HUWE1: variants seen among roughly 807,000 people sequenced by gnomAD.
HUWE1 encodes the protein E3 ubiquitin-protein ligase HUWE1.
In HUWE1, 18 loss-of-function variants were observed where a neutral mutation model predicts 299.4. That is an observed-to-expected ratio of 0.06 (90% CI 0.04 to 0.09). The LOEUF (loss-of-function observed/expected upper bound fraction) is 0.09, where lower values mean the gene tolerates loss of function less well. Among genes scored for constraint, HUWE1 ranks in the 10% least tolerant of loss-of-function variants. The probability of loss-of-function intolerance (pLI) is 1.00; values close to 1 mark genes in which losing one functional copy is unlikely to be tolerated. For missense variants in HUWE1, 1,832 were observed against 3,462.3 expected (o/e 0.53, Z 11.82); for synonymous variants, 1,317 against 1,286.1 (o/e 1.02, Z -0.51).
At chrX:53,630,299 TA>T (rs2066786594) in intron 12 of HUWE1, among the ~76,000 whole-genome samples, 1 of 112,061 alleles carries the variant, frequency 8.9e-6, no homozygotes, top group African/African-American at 3.2e-5. Flanking sequence ...TGAACATCAA[TA>T]ATAACAGCAA....
chrX:53,548,971 A>G lies in HUWE1; in HGVS notation c.10023T>C (p.Ile3341=), dbSNP rs782111740. ...TTGAAACCCTCACCTTGGCCAATTGAATGAGTGTATCCAAAACGTGTCTGC... is the reference window on the plus strand; with the variant it reads ...TTGAAACCCTCACCTTGGCCAATTGGATGAGTGTATCCAAAACGTGTCTGC... ...VVCRHVLDTL[I]QLAKVFPSHF... Residue 3341 remains isoleucine (I), a synonymous_variant, in exon 67 of 84, where the codon ATT becomes ATC. Transcript: ENST00000262854. 7.5e-6 allele frequency: 9 copies of G among 1,197,485 alleles called. No homozygotes were observed. The East Asian group carries it at 2.7e-4, about 36-fold the overall frequency.
rs782073649 is a variant in HUWE1 at position 53,542,839 on chromosome X, C to T, written c.11380-300G>A. On this transcript the variant is annotated intron_variant, in intron 73 of 83. Transcript: ENST00000262854. ...CTCCTGTATATAGACTTCAAGTCTTCTTCTGTTGTGTGTGTGTGTGTGTGT... is the reference window on the plus strand; with the variant it reads ...CTCCTGTATATAGACTTCAAGTCTTTTTCTGTTGTGTGTGTGTGTGTGTGT... 2.8e-4 allele frequency: 72 copies of T among 257,730 alleles called. No individual in the cohort carries two copies. In the South Asian group the frequency reaches 3.2e-3, roughly 11 times the overall value. 21.2% of individuals were successfully genotyped at this position (257,730 alleles called of 1,213,427 possible).
At chrX:53,674,780 T>A (rs2069729903) in intron 3 of HUWE1, among the ~76,000 whole-genome samples, 1 of 111,692 alleles carries the variant, frequency 9.0e-6, no homozygotes, top group Admixed American at 9.5e-5. Flanking sequence ...CAGTCACTTA[T>A]CTTTGTATTC....
intron 76 of HUWE1, 93 bp downstream of exon 76, chrX:53,538,718 ACACACACTCTCTCTCTCTCTCTCT>A: frequency 4.3e-6 from 3 of 694,807 alleles, no homozygotes; most frequent in Non-Finnish European, 6.5e-6. Context: ...ACACACACAC[ACACACACTCTCTCTCTCTCTCTCT>A]CTCTCTCTCT....
intron 47 of HUWE1, among the ~76,000 whole-genome samples, chrX:53,572,120 TAC>T (rs2062859922): frequency 8.9e-6 from 1 of 112,336 alleles, no homozygotes; most frequent in Non-Finnish European, 1.9e-5. Flanking sequence ...TGGAATTTTA[TAC>T]AGATGAAAAT....
At chrX:53,653,929 T>G (rs1197131317) in intron 4 of HUWE1, 134 bp downstream of exon 4, 1 of 491,207 alleles carries the variant, frequency 2.0e-6, no homozygotes, top group Non-Finnish European at 3.5e-6. Context: ...TTACTGTTTC[T>G]AGACAAGTTG....
In HUWE1 at chrX:53,533,105, A is replaced by G. The variant is rs1390503615; in HGVS notation, c.*204T>C. The G allele has an allele frequency of 2.8e-5, 12 of 433,661 alleles. No individual in the cohort carries two copies. In the East Asian group the frequency reaches 3.5e-4, roughly 13 times the overall value. 35.7% of individuals were successfully genotyped at this position (433,661 alleles called of 1,213,427 possible). ...CATGGACGGCATGGAAAGGGGAGAG[A>G]AGGTGAGGAAACAGGCGGCGGGGAG... On this transcript the variant is annotated 3_prime_UTR_variant, in exon 84 of 84. Coordinates refer to ENST00000262854, the MANE Select transcript of HUWE1 (RefSeq NM_031407.7).
intron 73 of HUWE1, among the ~76,000 whole-genome samples, chrX:53,543,475 C>T (rs1474543563): frequency 1.8e-5 from 2 of 110,583 alleles, no homozygotes; most frequent in Non-Finnish European, 3.8e-5. Context: ...GGGGGACTTT[C>T]AATGGTAGGA....
intron 3 of HUWE1, among the ~76,000 whole-genome samples, chrX:53,656,168 G>A (rs1394787117): frequency 4.6e-5 from 5 of 109,133 alleles, no homozygotes; most frequent in African/African-American, 1.3e-4. Flanking sequence ...GAGGTCAGGA[G>A]ATGGAGACCA....
In HUWE1 at chrX:53,637,141, T is replaced by C. The variant is rs139082954; in HGVS notation, c.505-2843A>G. Among the ~76,000 whole-genome samples, 488 of 112,522 alleles carry C rather than the reference T, an allele frequency of 4.3e-3. 2 individuals are homozygous for C. Among genetic ancestry groups the C allele is most frequent in the Middle Eastern group, 9.1e-3 (2 of 219 alleles). ...AGCCAGTTTTTACAACACCATCTTA[T>C]TTGAATAATCCATTCTTTTTCTGCT... On this transcript the variant is annotated intron_variant, in intron 7 of 83. Coordinates refer to ENST00000262854, the MANE Select transcript of HUWE1 (RefSeq NM_031407.7).
rs782348242 is a variant in HUWE1 at position 53,593,378 on chromosome X, C to A, written c.3727G>T (p.Val1243Leu). The A allele has an allele frequency of 8.4e-7, 1 of 1,188,829 alleles. No homozygotes were observed. The highest frequency in any genetic ancestry group is 1.8e-5 in the African/African-American group (1 of 56,744). The change falls in exon 32 of 84, where the codon GTG (valine) becomes TTG (leucine). Residue 1243 changes from valine to leucine, a missense_variant. Physicochemically the swap from Val to Leu is conservative, Grantham distance 32. This residue lies in a region of HUWE1 where 658 missense variants were observed against 1,282.6 expected (regional missense o/e 0.51). Coordinates refer to ENST00000262854, the MANE Select transcript of HUWE1 (RefSeq NM_031407.7). Reference protein sequence around the residue: ...FPQFSALRFLVVTQKAAFTCI... With the variant: ...FPQFSALRFLLVTQKAAFTCI... The stretch of plus-strand genomic sequence containing the variant: ...TGAATACTCACTTTCTGAGTTACCA[C>A]AAGGAAGCGCAGTGCACTGAACTGG...
intron 28 of HUWE1, among the ~76,000 whole-genome samples, chrX:53,602,092 G>T (rs1356613364): frequency 2.7e-5 from 3 of 112,043 alleles, no homozygotes; most frequent in African/African-American, 9.7e-5. Context: ...ACATTAAAAA[G>T]TATTTGTTAA....
intron 74 of HUWE1, among the ~76,000 whole-genome samples, chrX:53,541,662 C>G (rs2061351029): frequency 9.0e-6 from 1 of 111,248 alleles, no homozygotes; most frequent in African/African-American, 3.3e-5. Context: ...GCCAGGAGTT[C>G]AAGACCAGCC....
At chrX:53,590,944 G>A in intron 34 of HUWE1, 56 bp downstream of exon 34, 8 of 1,195,163 alleles carry the variant, frequency 6.7e-6, no homozygotes. Flanking sequence ...AGGGGAAAAA[G>A]GACTTCAGCA....
In HUWE1 at chrX:53,591,007, A is replaced by C; in HGVS notation, c.4088T>G (p.Val1363Gly). 1 of 1,209,495 alleles carries C rather than the reference A, an allele frequency of 8.3e-7. No individual in the cohort carries two copies. Among genetic ancestry groups the C allele is most frequent in the Non-Finnish European group, 1.1e-6 (1 of 894,712 alleles). The part of the protein sequence containing the change: ...LTHPPPIMGG[V>G]VRDLSMSEED... ...GCTTCTGAGCCAACTTACCCGAACA[A>C]CTCCTCCCATGATTGGAGGAGGGTG... Residue 1363 changes from valine (V) to glycine (G), a missense_variant, in exon 34 of 84, where the codon GTT becomes GGT. Val to Gly is a moderately radical substitution (Grantham distance 109). Coordinates refer to ENST00000262854, the MANE Select transcript of HUWE1 (RefSeq NM_031407.7).
Position 53,600,299 on chromosome X carries a change from C to A in HUWE1, c.2982G>T (p.Gln994His). 3 of 1,202,293 alleles carry A rather than the reference C, an allele frequency of 2.5e-6. No individual in the cohort carries two copies. Among genetic ancestry groups the A allele is most frequent in the Non-Finnish European group, 3.4e-6 (3 of 888,287 alleles). ...TQGGKRSDGEQDGAAGSMDAS... is the reference protein window; with the variant it reads ...TQGGKRSDGEHDGAAGSMDAS... ...CATCCATACTTCCAGCTGCTCCATC[C>A]TGTTCCCCATCTACAGATGTATAAG... is the stretch of plus-strand genomic sequence containing the variant. Residue 994 changes from glutamine to histidine, a missense_variant, in exon 29 of 84, where the codon CAG becomes CAT. This residue lies in a region of HUWE1 where 658 missense variants were observed against 1,282.6 expected (regional missense o/e 0.51). Coordinates refer to ENST00000262854, the MANE Select transcript of HUWE1 (RefSeq NM_031407.7).
In HUWE1 at chrX:53,604,578, G is replaced by A. The variant is rs1556994871; in HGVS notation, c.2742+11C>T. 2.5e-6 allele frequency: 3 copies of A among 1,209,931 alleles called. No individual in the cohort carries two copies. Among genetic ancestry groups the A allele is most frequent in the Admixed American group, 2.2e-5 (1 of 46,057 alleles). On this transcript the variant is annotated intron_variant, in intron 26 of 83. Transcript: ENST00000262854. ...TTAAATTAATATGTTCACCCCTAAG[G>A]TTATTTTTACCTGTCCAACTCTGCA... is the stretch of plus-strand genomic sequence containing the variant.
In HUWE1 at chrX:53,676,176, G is replaced by A. The variant is rs188893007; in HGVS notation, c.-25+3873C>T. ...GACTGCCCACCTCTGAGCTGTTGAA[G>A]GAGTTAAGTAAAATAGTACATTAAA... On this transcript the variant is annotated intron_variant, in intron 3 of 83. Coordinates refer to ENST00000262854, the MANE Select transcript of HUWE1 (RefSeq NM_031407.7). 7.1e-5 allele frequency among the ~76,000 whole-genome samples: 8 copies of A among 111,926 alleles called. No homozygotes were observed. In the East Asian group the frequency reaches 2.2e-3, roughly 31 times the overall value.
chrX:53,682,683 G>C (rs2070232510), intron 2 of HUWE1, among the ~76,000 whole-genome samples: 1 of 111,122 alleles, frequency 9.0e-6, no homozygotes, highest in Non-Finnish European at 1.9e-5. Context: ...AGATTAAGAA[G>C]TGAGAAGCAG....
Sources: allele counts gnomAD v4.1 joint callset (sites outside exome capture counted in the v4.1 genomes callset), GRCh38; gene constraint gnomAD v4.1.1; regional missense constraint gnomAD v4.1.1; transcripts MANE v1.5; gene names NCBI Gene and HGNC (gene_info 2026-07-23, HGNC 2026-07-21).